KATNIP: variants seen among roughly 807,000 people sequenced by gnomAD.
KATNIP encodes katanin-interacting protein.
In KATNIP, 126 loss-of-function variants were observed where a neutral mutation model predicts 174.0. The ratio of observed to expected loss-of-function variants is 0.72; its 90% CI spans 0.63 to 0.84. KATNIP has a LOEUF of 0.84. Ranked by LOEUF, KATNIP falls within the 40% of genes least tolerant of loss-of-function variation. The pLI is 0.00. For synonymous variants in KATNIP, 810 were observed against 835.7 expected (o/e 0.97, Z 0.53); for missense variants, 1,958 against 2,109.7 (o/e 0.93, Z 1.41).
At chr16:27,611,543 A>T (rs2075891085) in intron 2 of KATNIP, among the ~76,000 whole-genome samples, 1 of 152,220 alleles carries the variant, frequency 6.6e-6, no homozygotes, top group Non-Finnish European at 1.5e-5. Flanking sequence ...GCCTCTAGGC[A>T]CTCAGGCGAA....
At chr16:27,566,027 T>G (rs966662966) in intron 1 of KATNIP, among the ~76,000 whole-genome samples, 3 of 151,718 alleles carry the variant, frequency 2.0e-5, no homozygotes, top group Non-Finnish European at 4.4e-5. Context: ...CAGCTGTTTT[T>G]TTTTTTTTTT....
chr16:27,739,976 T>A, intron 14 of KATNIP, 65 bp from the exon 15 acceptor site: 3 of 1,517,220 alleles, frequency 2.0e-6, no homozygotes, highest in Non-Finnish European at 2.7e-6. Flanking sequence ...TATCTTCGAC[T>A]TCCAAAATTT....
intron 11 of KATNIP, among the ~76,000 whole-genome samples, chr16:27,703,652 G>A (rs377697361): frequency 6.6e-6 from 1 of 152,210 alleles, no homozygotes; most frequent in South Asian, 2.1e-4. Context: ...AGCTTAGGGA[G>A]GTCAGCTGGC....
At position 27,634,813 on chromosome 16, in the gene KATNIP, C is replaced by T. The variant is rs149014823; in HGVS notation, c.408+3651C>T. Among the ~76,000 whole-genome samples the T allele has an allele frequency of 6.3e-3, 957 of 152,222 alleles. 8 individuals carry two copies. Among genetic ancestry groups the T allele is most frequent in the African/African-American group, 0.02 (850 of 41,522 alleles). On this transcript the variant is annotated intron_variant, in intron 5 of 27. Coordinates refer to ENST00000261588, the MANE Select transcript of KATNIP (RefSeq NM_015202.5). ...ATGTAACCATAATAGGTCCATTGCACGATGCTGGCAAGTCTATACACATAG... is the reference window on the plus strand; with the variant it reads ...ATGTAACCATAATAGGTCCATTGCATGATGCTGGCAAGTCTATACACATAG...
intron 13 of KATNIP, among the ~76,000 whole-genome samples, chr16:27,713,854 A>ATATATATATCTATC (rs1555482296): frequency 2.9e-5 from 2 of 69,314 alleles, no homozygotes; most frequent in Non-Finnish European, 5.5e-5. Flanking sequence ...ATATATATAT[A>ATATATATATCTATC]TATCTATCTC....
At chr16:27,603,427 G>A (rs1293687939) in intron 2 of KATNIP, among the ~76,000 whole-genome samples, 2 of 152,288 alleles carry the variant, frequency 1.3e-5, no homozygotes, top group East Asian at 3.9e-4. Flanking sequence ...GAGGTGAAAG[G>A]CAAGATAGAA....
Position 27,750,142 on chromosome 16 carries a change from C to G in KATNIP, c.3182C>G (p.Thr1061Ser). 1.2e-6 allele frequency: 2 copies of G among 1,614,146 alleles called. No individual in the cohort carries two copies. Among genetic ancestry groups the G allele is most frequent in the Middle Eastern group, 1.6e-4 (1 of 6,062 alleles). ...PFTRGRSHSI[T>S]IDFTHPCHVA... ...ACGCGGGGCAGATCCCACTCCATCA[C>G]CATTGACTTCACGCACCCTTGCCAC... The change falls in exon 16 of 28, where the codon ACC (threonine) becomes AGC (serine). Residue 1061 changes from threonine (T) to serine (S), a missense_variant. Transcript: ENST00000261588.
intron 6 of KATNIP, among the ~76,000 whole-genome samples, chr16:27,657,191 A>G (rs1002479122): frequency 6.6e-6 from 1 of 152,120 alleles, no homozygotes; most frequent in Non-Finnish European, 1.5e-5. Flanking sequence ...GGCTGTGCAT[A>G]AATGGGTCAG....
chr16:27,730,291 T>A (rs1597318776), intron 14 of KATNIP, among the ~76,000 whole-genome samples: 2 of 152,246 alleles, frequency 1.3e-5, no homozygotes, highest in African/African-American at 2.4e-5. Flanking sequence ...ATTTTAAAAT[T>A]GGGAGGTTTT....
At chr16:27,620,333 C>T (rs1420825025) in intron 3 of KATNIP, among the ~76,000 whole-genome samples, 1 of 152,174 alleles carries the variant, frequency 6.6e-6, no homozygotes, top group African/African-American at 2.4e-5. Flanking sequence ...CTCAAAGGCA[C>T]CTTTTGCAGA....
intron 8 of KATNIP, 49 bp from the exon 9 acceptor site, chr16:27,698,279 A>C (rs1423625558): frequency 6.4e-7 from 1 of 1,553,516 alleles, no homozygotes; most frequent in Admixed American, 1.8e-5. Context: ...TGTGAGCTGC[A>C]CTCCGAGAAT....
chr16:27,775,964 C>T (rs1345998112), intron 24 of KATNIP, among the ~76,000 whole-genome samples: 1 of 152,216 alleles, frequency 6.6e-6, no homozygotes, highest in African/African-American at 2.4e-5. Context: ...CAACAGAGCT[C>T]TGTCCTCCCT....
intron 2 of KATNIP, among the ~76,000 whole-genome samples, chr16:27,605,720 C>T (rs117969450): frequency 6.6e-6 from 1 of 152,248 alleles, no homozygotes; most frequent in East Asian, 1.9e-4. Flanking sequence ...CAGTATCAAC[C>T]GTTGCTTTAG....
At chr16:27,741,773 G>A (rs901354605) in intron 15 of KATNIP, among the ~76,000 whole-genome samples, 4 of 151,896 alleles carry the variant, frequency 2.6e-5, no homozygotes, top group African/African-American at 4.8e-5. Flanking sequence ...CATGTGGTGC[G>A]TTCCTGTAAT....
chr16:27,557,211 G>T (rs1176169798), intron 1 of KATNIP, among the ~76,000 whole-genome samples: 1 of 148,564 alleles, frequency 6.7e-6, no homozygotes, highest in Non-Finnish European at 1.5e-5. Flanking sequence ...GCGCGATCTT[G>T]GCTTACTGCA....
chr16:27,648,121 C>T (rs550855791), intron 5 of KATNIP, among the ~76,000 whole-genome samples: 2 of 151,984 alleles, frequency 1.3e-5, no homozygotes, highest in Non-Finnish European at 2.9e-5. Context: ...GTGGCAAAAC[C>T]CCGTCTCTAC....
chr16:27,553,976 G>C lies in KATNIP; in HGVS notation c.7+3799G>C, dbSNP rs148811453. Among the ~76,000 whole-genome samples the C allele has an allele frequency of 6.4e-3, 966 of 150,732 alleles. 15 individuals are homozygous for C. The highest frequency in any genetic ancestry group is 0.023 in the African/African-American group (924 of 40,890). Reference sequence around the variant, plus strand: ...GAGAGAGAGAGCAGGGGGTGGGGTGGGGGGAGAGAGGAGAGAGAAAGGAAG... The same window carrying C: ...GAGAGAGAGAGCAGGGGGTGGGGTGCGGGGAGAGAGGAGAGAGAAAGGAAG... On this transcript the variant is annotated intron_variant, in intron 1 of 27. Coordinates refer to ENST00000261588, the MANE Select transcript of KATNIP (RefSeq NM_015202.5).
At chr16:27,756,438 A>G (rs144259952) in intron 18 of KATNIP, among the ~76,000 whole-genome samples, 21 of 152,330 alleles carry the variant, frequency 1.4e-4, no homozygotes, top group Non-Finnish European at 1.8e-4. Context: ...CCATGAGATC[A>G]GGCAGCTGAG....
intron 1 of KATNIP, among the ~76,000 whole-genome samples, chr16:27,557,534 C>G (rs1319157261): frequency 6.6e-6 from 1 of 150,696 alleles, no homozygotes. Flanking sequence ...CTCAAGCGAT[C>G]GTCCCATGTC....
Sources: gnomAD v4.1 joint callset for allele counts (sites outside exome capture counted in the v4.1 genomes callset) on GRCh38, gnomAD v4.1.1 for gene constraint, MANE v1.5 for transcripts, NCBI Gene and HGNC (gene_info 2026-07-23, HGNC 2026-07-21) for gene names.